Variants in DPP10 observed in about 807,000 individuals in gnomAD.
DPP10 encodes the protein inactive dipeptidyl peptidase 10.
In DPP10, 33 loss-of-function variants were observed where a neutral mutation model predicts 120.9. The observed-to-expected ratio is 0.27, with a 90% CI of 0.21 to 0.37. DPP10 has a LOEUF of 0.37. Ranked by LOEUF, DPP10 falls within the 10% of genes least tolerant of loss-of-function variation. The pLI is 1.00. For synonymous variants in DPP10, 337 were observed against 326.1 expected (o/e 1.03, Z -0.36); for missense variants, 816 against 942.8 (o/e 0.87, Z 1.76).
At chr2:115,593,167 C>G (rs1425793039) in intron 5 of DPP10, among the ~76,000 whole-genome samples, 1 of 152,100 alleles carries the variant, frequency 6.6e-6, no homozygotes, top group South Asian at 2.1e-4. Flanking sequence ...TTCAGTTAAA[C>G]AATTGTGTCT....
At chr2:115,812,603 A>G (rs1197523287) in intron 19 of DPP10, among the ~76,000 whole-genome samples, 1 of 152,232 alleles carries the variant, frequency 6.6e-6, no homozygotes, top group Admixed American at 6.5e-5. Context: ...GGTTGCATAA[A>G]TTAAAATACA....
Position 115,753,162 on chromosome 2 carries a change from T to C in DPP10, c.951-12T>C, listed in dbSNP as rs974732501. 1.9e-6 allele frequency: 3 copies of C among 1,606,230 alleles called. No individual in the cohort carries two copies. Among genetic ancestry groups the C allele is most frequent in the Admixed American group, 3.4e-5 (2 of 59,334 alleles). Reference sequence around the variant, plus strand: ...GCTCTAAACATACATTTTAATTTTGTTTCCAAACTAGAGAATACTATATCA... The same window carrying C: ...GCTCTAAACATACATTTTAATTTTGCTTCCAAACTAGAGAATACTATATCA... On this transcript the variant is annotated splice_polypyrimidine_tract_variant and intron_variant, in intron 10 of 25. Coordinates refer to ENST00000410059, the MANE Select transcript of DPP10 (RefSeq NM_020868.6).
At chr2:115,483,213 A>G (rs2075546957) in intron 3 of DPP10, among the ~76,000 whole-genome samples, 1 of 152,076 alleles carries the variant, frequency 6.6e-6, no homozygotes. Context: ...TGTGGAAGGT[A>G]CTTCATTTTT....
chr2:115,485,585 TCTTAC>T (rs2075728294), intron 3 of DPP10, among the ~76,000 whole-genome samples: 1 of 151,768 alleles, frequency 6.6e-6, no homozygotes, highest in Non-Finnish European at 1.5e-5. Context: ...TTTAATTAAG[TCTTAC>T]TTTATGGTTT....
At chr2:115,596,960 T>A (rs888016593) in intron 5 of DPP10, among the ~76,000 whole-genome samples, 1 of 152,198 alleles carries the variant, frequency 6.6e-6, no homozygotes, top group African/African-American at 2.4e-5. Context: ...GTTTCATAAT[T>A]AGATGACTAG....
At chr2:115,713,191 G>T (rs1480246072) in intron 7 of DPP10, among the ~76,000 whole-genome samples, 2 of 152,060 alleles carry the variant, frequency 1.3e-5, no homozygotes, top group African/African-American at 4.8e-5. Flanking sequence ...TGAGGTGTGA[G>T]TTGATAAGCA....
rs188076607 is a variant in DPP10, at chr2:115,604,250, G to A, written c.441+78278G>A. On this transcript the variant is annotated intron_variant, in intron 5 of 25. Coordinates refer to ENST00000410059, the MANE Select transcript of DPP10 (RefSeq NM_020868.6). The stretch of plus-strand genomic sequence containing the variant: ...TTAGGGTTGTCCTCCTGAGAGAGTA[G>A]CCCCAACTCTATTTTCGGAGTTTTT... 4.3e-3 allele frequency among the ~76,000 whole-genome samples: 661 copies of A among 152,146 alleles called. 6 individuals are homozygous for A. Among genetic ancestry groups the A allele is most frequent in the African/African-American group, 0.015 (633 of 41,516 alleles).
At chr2:115,034,096 C>T (rs950068923) in intron 1 of DPP10, among the ~76,000 whole-genome samples, 1 of 151,566 alleles carries the variant, frequency 6.6e-6, no homozygotes, top group Admixed American at 6.6e-5. Context: ...GGGGTTTCAC[C>T]ATGTTGGCCA....
intron 5 of DPP10, among the ~76,000 whole-genome samples, chr2:115,672,939 G>T (rs1159085142): frequency 2.0e-5 from 3 of 151,880 alleles, no homozygotes; most frequent in African/African-American, 7.3e-5. Context: ...AGTAGAGACT[G>T]GGTTGCACCA....
At chr2:115,427,534 A>T (rs1294644947) in intron 3 of DPP10, among the ~76,000 whole-genome samples, 1 of 152,262 alleles carries the variant, frequency 6.6e-6, no homozygotes, top group East Asian at 1.9e-4. Context: ...GCCTCTGAGC[A>T]GTGACTGGAA....
chr2:115,478,540 GA>G (rs1216511895), intron 3 of DPP10, among the ~76,000 whole-genome samples: 1 of 152,090 alleles, frequency 6.6e-6, no homozygotes, highest in Non-Finnish European at 1.5e-5. Flanking sequence ...GACAGCGCAA[GA>G]AAATATACAC....
chr2:115,071,848 C>T (rs970172105), intron 1 of DPP10, among the ~76,000 whole-genome samples: 1 of 152,002 alleles, frequency 6.6e-6, no homozygotes, highest in African/African-American at 2.4e-5. Flanking sequence ...ATCTAGGCAC[C>T]TCAAAAAAGT....
chr2:115,160,152 T>C (rs764873351), intron 1 of DPP10, among the ~76,000 whole-genome samples: 1 of 152,196 alleles, frequency 6.6e-6, no homozygotes, highest in Non-Finnish European at 1.5e-5. Context: ...ATTAAAAATA[T>C]ATATTTGCTT....
chr2:114,487,694 C>T (rs550343279), intron 1 of DPP10, among the ~76,000 whole-genome samples: 1 of 152,082 alleles, frequency 6.6e-6, no homozygotes, highest in South Asian at 2.1e-4. Context: ...CTGAAACAAA[C>T]AATAATCAGT....
At chr2:114,889,132 G>A (rs1399693675) in intron 1 of DPP10, among the ~76,000 whole-genome samples, 1 of 152,134 alleles carries the variant, frequency 6.6e-6, no homozygotes, top group Non-Finnish European at 1.5e-5. Context: ...GGCTGCAGAA[G>A]AGCTACATCC....
At chr2:115,651,905 A>T (rs1217210259) in intron 5 of DPP10, among the ~76,000 whole-genome samples, 1 of 152,076 alleles carries the variant, frequency 6.6e-6, no homozygotes, top group African/African-American at 2.4e-5. Flanking sequence ...TGTTCTGTTA[A>T]CTATAAAATA....
Position 115,721,243 on chromosome 2 carries a change from A to G in DPP10, c.577-6573A>G, listed in dbSNP as rs558849700. On this transcript the variant is annotated intron_variant, in intron 7 of 25. Coordinates refer to ENST00000410059, the MANE Select transcript of DPP10 (RefSeq NM_020868.6). ...CAGCAGTCCCCCATGTCCATCACCT[A>G]TTCTGTAACTATCACCAATTATTTT... Among the ~76,000 whole-genome samples the G allele has an allele frequency of 2.6e-5, 4 of 152,256 alleles. 1 individual carries two copies. Among genetic ancestry groups the G allele is most frequent in the Admixed American group, 6.5e-5 (1 of 15,290 alleles).
intron 3 of DPP10, among the ~76,000 whole-genome samples, chr2:115,392,102 A>G (rs774157093): frequency 6.6e-6 from 1 of 152,080 alleles, no homozygotes; most frequent in African/African-American, 2.4e-5. Flanking sequence ...AGGCACAACT[A>G]TTTGCTGATA....
chr2:114,664,128 G>A (rs60460321), intron 1 of DPP10, among the ~76,000 whole-genome samples: 12,295 of 151,892 alleles, frequency 0.081, 1,717 homozygotes, highest in African/African-American at 0.28. Flanking sequence ...ATGAGAAACT[G>A]AATTTCAATT....
Sources: gnomAD v4.1 joint callset for allele counts (sites outside exome capture counted in the v4.1 genomes callset) on GRCh38, gnomAD v4.1.1 for gene constraint, MANE v1.5 for transcripts, NCBI Gene and HGNC (gene_info 2026-07-23, HGNC 2026-07-21) for gene names.